The following WDR70 variants were observed in gnomAD, a reference collection of about 807,000 sequenced individuals.
WDR70 encodes the protein WD repeat-containing protein 70.
In WDR70, 53 loss-of-function variants were observed where a neutral mutation model predicts 88.6. The observed-to-expected ratio is 0.60, with a 90% confidence interval of 0.48 to 0.75. The LOEUF is 0.75. Among genes scored for constraint, WDR70 ranks in the 30% least tolerant of loss-of-function variants. The pLI is 0.00. For synonymous variants in WDR70, 280 were observed against 270.0 expected (o/e 1.04, Z -0.36); for missense variants, 610 against 823.2 (o/e 0.74, Z 3.17).
Position 37,712,139 on chromosome 5 carries a change from C to T in WDR70, c.1417-8976C>T, listed in dbSNP as rs184999167. On this transcript the variant is annotated intron_variant, in intron 13 of 17. Coordinates refer to ENST00000265107, the MANE Select transcript of WDR70 (RefSeq NM_018034.4). Reference sequence around the variant, plus strand: ...TTCTGAGTAGCTGGGATTACAGGCACCTGCCACCGCACCTGGCTAATTTTT... The same window carrying T: ...TTCTGAGTAGCTGGGATTACAGGCATCTGCCACCGCACCTGGCTAATTTTT... 6.5e-3 allele frequency among the ~76,000 whole-genome samples: 984 copies of T among 151,944 alleles called. 6 individuals are homozygous for T. Among genetic ancestry groups the T allele is most frequent in the Admixed American group, 0.013 (200 of 15,260 alleles).
At chr5:37,473,061 T>C (rs775534183) in intron 7 of WDR70, among the ~76,000 whole-genome samples, 2 of 152,008 alleles carry the variant, frequency 1.3e-5, no homozygotes, top group African/African-American at 2.4e-5. Flanking sequence ...TCAGTATCTT[T>C]GATTTAACCA....
At chr5:37,566,862 A>C (rs1742755450) in intron 9 of WDR70, among the ~76,000 whole-genome samples, 1 of 152,232 alleles carries the variant, frequency 6.6e-6, no homozygotes, top group Non-Finnish European at 1.5e-5. Flanking sequence ...TATGCTGTAT[A>C]GTTCACCAGG....
intron 10 of WDR70, among the ~76,000 whole-genome samples, chr5:37,612,026 C>A (rs143299784): frequency 1.3e-5 from 2 of 152,198 alleles, no homozygotes; most frequent in Non-Finnish European, 2.9e-5. Flanking sequence ...AAAGACTAAT[C>A]ATTTAACAAT....
At chr5:37,436,208 A>G (rs13189933) in intron 5 of WDR70, among the ~76,000 whole-genome samples, 6,045 of 152,248 alleles carry the variant, frequency 0.04, 155 homozygotes, top group Non-Finnish European at 0.063. Context: ...TGATGTGGCC[A>G]ATATAGGAGG....
At chr5:37,747,457 AT>A (rs1185987987) in intron 17 of WDR70, among the ~76,000 whole-genome samples, 1 of 152,214 alleles carries the variant, frequency 6.6e-6, no homozygotes, top group East Asian at 1.9e-4. Context: ...ACACCCCTTC[AT>A]TTTAAAAACT....
intron 17 of WDR70, among the ~76,000 whole-genome samples, chr5:37,744,811 G>A (rs967506651): frequency 7.2e-5 from 11 of 152,100 alleles, no homozygotes; most frequent in Admixed American, 7.2e-4. Flanking sequence ...ATGATTGATT[G>A]GAGTACCAGA....
At chr5:37,675,134 C>T (rs1450799085) in intron 10 of WDR70, among the ~76,000 whole-genome samples, 1 of 152,026 alleles carries the variant, frequency 6.6e-6, no homozygotes, top group Non-Finnish European at 1.5e-5. Flanking sequence ...TGGATATTAG[C>T]CCTTTGTCAG....
chr5:37,725,021 A>G lies in WDR70; in HGVS notation c.1685A>G (p.His562Arg), dbSNP rs200662850. Reference protein sequence around the residue: ...EKDRLDPLKSHKPEPPVAGPG... With the variant: ...EKDRLDPLKSRKPEPPVAGPG... Reference sequence around the variant, plus strand: ...GACAGACTGGATCCCCTGAAGTCGCATAAACCTGAACCTCCTGTAGCAGGC... The same window carrying G: ...GACAGACTGGATCCCCTGAAGTCGCGTAAACCTGAACCTCCTGTAGCAGGC... Residue 562 changes from histidine (H) to arginine (R), a missense_variant, in exon 16 of 18, where the codon CAT (histidine) becomes CGT (arginine). His to Arg is a conservative substitution (Grantham distance 29, BLOSUM62 0). Coordinates refer to ENST00000265107, the MANE Select transcript of WDR70 (RefSeq NM_018034.4). 6 of 1,613,630 alleles carry G rather than the reference A, an allele frequency of 3.7e-6. No homozygotes were observed. The highest frequency in any genetic ancestry group is 3.3e-5 in the Admixed American group (2 of 59,964).
intron 10 of WDR70, among the ~76,000 whole-genome samples, chr5:37,620,955 A>C (rs941727533): frequency 6.6e-6 from 1 of 152,132 alleles, no homozygotes; most frequent in Non-Finnish European, 1.5e-5. Flanking sequence ...GCAGAGATTT[A>C]GAACAGGAAG....
rs546349113 is a variant in WDR70, at chr5:37,443,643, T to G, written c.686+271T>G. On this transcript the variant is annotated intron_variant, in intron 7 of 17. Coordinates refer to ENST00000265107, the MANE Select transcript of WDR70 (RefSeq NM_018034.4). ...CGAGGCAGGCGGATCACCTGAGGCC[T>G]GGAGTTTGAGACCAGAATGGACAAC... Among the ~76,000 whole-genome samples the G allele has an allele frequency of 2.0e-5, 3 of 152,246 alleles. No individual in the cohort carries two copies. The East Asian group carries it at 5.8e-4, about 29-fold the overall frequency.
At chr5:37,452,596 C>T (rs757588063) in intron 7 of WDR70, among the ~76,000 whole-genome samples, 8 of 152,286 alleles carry the variant, frequency 5.3e-5, no homozygotes, top group Admixed American at 4.6e-4. Context: ...TTTTAAATTA[C>T]GTTTTTCACC....
chr5:37,435,848 T>G (rs1322030236), intron 5 of WDR70, among the ~76,000 whole-genome samples: 2 of 152,168 alleles, frequency 1.3e-5, no homozygotes, highest in African/African-American at 4.8e-5. Flanking sequence ...GGCCATTTAT[T>G]CATTTCTAAA....
At chr5:37,504,003 C>A (rs999741686) in intron 8 of WDR70, among the ~76,000 whole-genome samples, 1 of 152,044 alleles carries the variant, frequency 6.6e-6, no homozygotes, top group Admixed American at 6.6e-5. Context: ...TACATGAGAG[C>A]TTTTTACCAA....
intron 10 of WDR70, among the ~76,000 whole-genome samples, chr5:37,618,918 T>C (rs1190222879): frequency 1.3e-5 from 2 of 152,190 alleles, no homozygotes; most frequent in African/African-American, 4.8e-5. Context: ...ACAAGGGTTT[T>C]AGTGGTGAAG....
intron 9 of WDR70, among the ~76,000 whole-genome samples, chr5:37,527,563 A>G (rs1237682825): frequency 6.6e-6 from 1 of 152,246 alleles, no homozygotes; most frequent in East Asian, 1.9e-4. Flanking sequence ...AATTCAGGAC[A>G]TAGGCATGGG....
At chr5:37,609,670 A>G (rs1010588507) in intron 10 of WDR70, among the ~76,000 whole-genome samples, 1 of 152,234 alleles carries the variant, frequency 6.6e-6, no homozygotes, top group Non-Finnish European at 1.5e-5. Context: ...TTTGGCCTGC[A>G]AGCCCTTGCC....
rs1368581958 is a variant in WDR70 at position 37,690,068 on chromosome 5, C to T, written c.1093-7587C>T. Among the ~76,000 whole-genome samples, 3 of 152,100 alleles carry T rather than the reference C, an allele frequency of 2.0e-5. No homozygotes were observed. The East Asian group carries it at 5.8e-4, about 29-fold the overall frequency. Reference sequence around the variant, plus strand: ...GCACGAGAAGTTCATGACTCATGCACAAGCTTCAATAGTCAATTCAATCAA... The same window carrying T: ...GCACGAGAAGTTCATGACTCATGCATAAGCTTCAATAGTCAATTCAATCAA... On this transcript the variant is annotated intron_variant, in intron 10 of 17. Transcript: ENST00000265107.
chr5:37,590,717 C>A (rs929325820), intron 9 of WDR70, among the ~76,000 whole-genome samples: 1 of 152,050 alleles, frequency 6.6e-6, no homozygotes, highest in Non-Finnish European at 1.5e-5. Flanking sequence ...GGAATGGTGC[C>A]AGCCACTAGA....
chr5:37,661,661 T>C (rs752742647), intron 10 of WDR70, among the ~76,000 whole-genome samples: 11 of 152,266 alleles, frequency 7.2e-5, no homozygotes, highest in Admixed American at 2.0e-4. Context: ...GATAGAATCA[T>C]AGAGGATGGA....
Sources: gnomAD v4.1 joint callset for allele counts (sites outside exome capture counted in the v4.1 genomes callset) on GRCh38, gnomAD v4.1.1 for gene constraint, MANE v1.5 for transcripts, NCBI Gene and HGNC (gene_info 2026-07-23, HGNC 2026-07-21) for gene names.